Variants in PTCHD1 observed in about 807,000 individuals in gnomAD.
PTCHD1 encodes the protein patched domain containing 1, also known as patched domain-containing protein 1.
Under a neutral mutation model 34.6 loss-of-function variants are expected in PTCHD1, and 3 were observed. That is an observed-to-expected ratio of 0.09 (90% CI 0.04 to 0.22). PTCHD1 has a LOEUF of 0.22. PTCHD1 is among the 10% of genes least tolerant of loss of function. The pLI is 1.00. For missense variants in PTCHD1, 504 were observed against 685.5 expected, an observed-to-expected ratio of 0.74 and a Z score of 2.96; for synonymous variants, 305 against 283.1, an observed-to-expected ratio of 1.08 and a Z score of -0.77.
intron 2 of PTCHD1, among the ~76,000 whole-genome samples, chrX:23,390,863 G>A (rs1322039151): frequency 8.9e-6 from 1 of 111,996 alleles, no homozygotes; most frequent in Non-Finnish European, 1.9e-5. Context: ...ATGCTTGGCT[G>A]GAGATTTTAA....
chrX:23,357,886 A>C (rs755318896), intron 1 of PTCHD1, among the ~76,000 whole-genome samples: 10 of 110,477 alleles, frequency 9.1e-5, no homozygotes, highest in African/African-American at 3.0e-4. Context: ...TTTAATTCCC[A>C]CCTATGAGTG....
intron 1 of PTCHD1, among the ~76,000 whole-genome samples, chrX:23,369,922 A>T (rs1922235552): frequency 8.9e-6 from 1 of 112,281 alleles, no homozygotes; most frequent in Non-Finnish European, 1.9e-5. Flanking sequence ...ATGAGAGCAA[A>T]AATCGGTCAC....
intron 1 of PTCHD1, among the ~76,000 whole-genome samples, chrX:23,360,967 G>C (rs1204338614): frequency 8.9e-6 from 1 of 112,307 alleles, no homozygotes; most frequent in Non-Finnish European, 1.9e-5. Context: ...TTTTGAGTGA[G>C]TTTCTTAATC....
chrX:23,355,282 C>A (rs1466262098), intron 1 of PTCHD1, among the ~76,000 whole-genome samples: 2 of 112,292 alleles, frequency 1.8e-5, no homozygotes, highest in Non-Finnish European at 3.8e-5. Context: ...AGCCACCAGT[C>A]TCTGCCTGAT....
At chrX:23,352,901 C>T (rs147350237) in intron 1 of PTCHD1, among the ~76,000 whole-genome samples, 1,150 of 111,857 alleles carry the variant, frequency 0.01, 14 homozygotes, top group African/African-American at 0.035. Flanking sequence ...AGATCCTTAG[C>T]TGATTTCTAC....
rs1218313675 is a variant in PTCHD1, at chrX:23,351,022, T to G, written c.351+15796T>G. 7 of 357,848 alleles carry G rather than the reference T, an allele frequency of 2.0e-5. No homozygotes were observed. In the East Asian group the frequency reaches 3.1e-4, roughly 16 times the overall value. The allele number at this position is 357,848 out of a possible 1,213,427, so 29.5% of individuals were successfully genotyped here. A position where few individuals can be genotyped will look rare whatever the true frequency, so the allele number is the denominator to read the frequency against. ...TCATGGGAATCCAGTAGGCTCTGTC[T>G]ACTTTTCCTATCCTGATTCAAATGG... On this transcript the variant is annotated intron_variant, in intron 1 of 2. Coordinates refer to ENST00000379361, the MANE Select transcript of PTCHD1 (RefSeq NM_173495.3).
intron 2 of PTCHD1, among the ~76,000 whole-genome samples, chrX:23,387,531 GTATTT>G (rs1292514756): frequency 3.6e-5 from 4 of 112,078 alleles, no homozygotes; most frequent in Admixed American, 1.9e-4. Context: ...AAATTCTTTA[GTATTT>G]TATTTTATTA....
chrX:23,396,868 T>C lies in PTCHD1; in HGVS notation c.*2683T>C, dbSNP rs1270627554. Reference sequence around the variant, plus strand: ...ATTATTTATTTGTTAATACTGATTATTGATTATTGCTCTGCTGCATTGGTT... The same window carrying C: ...ATTATTTATTTGTTAATACTGATTACTGATTATTGCTCTGCTGCATTGGTT... On this transcript the variant is annotated 3_prime_UTR_variant, in exon 3 of 3. Coordinates refer to ENST00000379361, the MANE Select transcript of PTCHD1 (RefSeq NM_173495.3). The C allele has an allele frequency of 2.7e-5, 3 of 112,424 alleles. No individual in the cohort carries two copies. The highest frequency in any genetic ancestry group is 9.7e-5 in the African/African-American group (3 of 30,899). 9.3% of individuals were successfully genotyped at this position (112,424 alleles called of 1,213,427 possible). A position where few individuals can be genotyped will look rare whatever the true frequency, so the allele number is the denominator to read the frequency against.
At chrX:23,365,502 A>G (rs1205063419) in intron 1 of PTCHD1, among the ~76,000 whole-genome samples, 4 of 110,689 alleles carry the variant, frequency 3.6e-5, no homozygotes, top group Non-Finnish European at 5.7e-5. Context: ...GAGGGGAGAG[A>G]AAGAAAGAGG....
intron 1 of PTCHD1, among the ~76,000 whole-genome samples, chrX:23,363,012 C>T (rs1161692924): frequency 8.9e-6 from 1 of 111,903 alleles, no homozygotes; most frequent in Non-Finnish European, 1.9e-5. Flanking sequence ...CTGATCCTTC[C>T]TCTGGAAGCT....
chrX:23,391,239 G>T (rs1313001780), intron 2 of PTCHD1, among the ~76,000 whole-genome samples: 1 of 111,489 alleles, frequency 9.0e-6, no homozygotes, highest in Non-Finnish European at 1.9e-5. Context: ...AAGCAGTTAC[G>T]CAGCGGGGTT....
chrX:23,374,507 C>G (rs895136215), intron 1 of PTCHD1, among the ~76,000 whole-genome samples: 2 of 110,388 alleles, frequency 1.8e-5, no homozygotes, highest in African/African-American at 6.6e-5. Context: ...CTGTCGTGAC[C>G]AAGCAGCCCA....
chrX:23,339,729 G>C (rs1384640995), intron 1 of PTCHD1, among the ~76,000 whole-genome samples: 2 of 112,073 alleles, frequency 1.8e-5, no homozygotes, highest in Non-Finnish European at 3.8e-5. Flanking sequence ...CTAAGGATCA[G>C]CAAATTTCAG....
chrX:23,393,703 C>G lies in PTCHD1; in HGVS notation c.2185C>G (p.Leu729Val). The G allele has an allele frequency of 8.3e-7, 1 of 1,211,694 alleles. No individual in the cohort carries two copies. Among genetic ancestry groups the G allele is most frequent in the Non-Finnish European group, 1.1e-6 (1 of 895,225 alleles). Reference protein sequence around the residue: ...ADSLINVWITLTVVSVEFGVI... With the variant: ...ADSLINVWITVTVVSVEFGVI... Reference sequence around the variant, plus strand: ...TTCACTGATTAACGTCTGGATCACTCTCACAGTTGTGTCCGTGGAGTTTGG... The same window carrying G: ...TTCACTGATTAACGTCTGGATCACTGTCACAGTTGTGTCCGTGGAGTTTGG... Residue 729 changes from leucine (L) to valine (V), a missense_variant, in exon 3 of 3, where the codon CTC (leucine) becomes GTC (valine). Transcript: ENST00000379361.
intron 1 of PTCHD1, among the ~76,000 whole-genome samples, chrX:23,335,505 G>C (rs965750456): frequency 5.3e-5 from 6 of 113,371 alleles, no homozygotes; most frequent in Non-Finnish European, 9.4e-5. Flanking sequence ...GCTGTGGTCG[G>C]TGCGCTTGTT....
intron 1 of PTCHD1, among the ~76,000 whole-genome samples, chrX:23,353,456 G>C: frequency 8.9e-6 from 1 of 112,728 alleles, no homozygotes; most frequent in Non-Finnish European, 1.9e-5. Flanking sequence ...GGGTGTGGTG[G>C]TGCATGCCTA....
chrX:23,362,198 C>T (rs753051468), intron 1 of PTCHD1, among the ~76,000 whole-genome samples: 2 of 111,911 alleles, frequency 1.8e-5, no homozygotes, highest in South Asian at 7.5e-4. Context: ...TGTTGTCCTG[C>T]CTTTCTAGGT....
At chrX:23,366,306 A>AT (rs1922138461) in intron 1 of PTCHD1, among the ~76,000 whole-genome samples, 1 of 112,034 alleles carries the variant, frequency 8.9e-6, no homozygotes, top group South Asian at 3.7e-4. Flanking sequence ...ACTTCTGATC[A>AT]TTTCATCCGC....
chrX:23,369,863 T>G lies in PTCHD1; in HGVS notation c.352-9728T>G, dbSNP rs140895259. Among the ~76,000 whole-genome samples the G allele has an allele frequency of 7.3e-3, 812 of 111,986 alleles. 6 individuals are homozygous for G. The highest frequency in any genetic ancestry group is 0.025 in the African/African-American group (769 of 30,833). On this transcript the variant is annotated intron_variant, in intron 1 of 2. Transcript: ENST00000379361. The stretch of plus-strand genomic sequence containing the variant: ...CCCAGCTGTTCCCTTCAAATATTTG[T>G]ACTGATCCATGCTTCTAACCCCATT...
Sources: allele counts gnomAD v4.1 joint callset (sites outside exome capture counted in the v4.1 genomes callset), GRCh38; gene constraint gnomAD v4.1.1; transcripts MANE v1.5; gene names NCBI Gene and HGNC (gene_info 2026-07-23, HGNC 2026-07-21).